CNTNAP5: variants seen among roughly 807,000 people sequenced by gnomAD.
CNTNAP5 encodes contactin-associated protein-like 5.
In CNTNAP5, 72 loss-of-function variants were observed where a neutral mutation model predicts 150.2. The observed-to-expected ratio is 0.48, with a 90% confidence interval of 0.40 to 0.58. CNTNAP5 has a LOEUF of 0.58. Among genes scored for constraint, CNTNAP5 ranks in the 20% least tolerant of loss-of-function variants. The pLI, the probability that CNTNAP5 is intolerant of heterozygous loss-of-function variation, is 0.00. For synonymous variants in CNTNAP5, 672 were observed against 619.8 expected (o/e 1.08, Z -1.25); for missense variants, 1,636 against 1,626.2 (o/e 1.01, Z -0.10).
intron 3 of CNTNAP5, among the ~76,000 whole-genome samples, chr2:124,408,298 G>C (rs995005889): frequency 8.5e-5 from 13 of 152,090 alleles, no homozygotes; most frequent in African/African-American, 3.1e-4. Context: ...GCCGCAGCGA[G>C]GCTGGGGGAG....
At position 124,850,179 on chromosome 2, in the gene CNTNAP5, G is replaced by A. The variant is rs529915004; in HGVS notation, c.3218-15127G>A. The stretch of plus-strand genomic sequence containing the variant: ...TATTTTAACGATATTGGTAATAACA[G>A]TAAAAATAGGTCACTAATTTTGTTT... On this transcript the variant is annotated intron_variant, in intron 19 of 23. Coordinates refer to ENST00000682447, the MANE Select transcript of CNTNAP5 (RefSeq NM_001367498.1). 5.9e-5 allele frequency among the ~76,000 whole-genome samples: 9 copies of A among 152,268 alleles called. No individual in the cohort carries two copies. The South Asian group carries it at 1.9e-3, about 32-fold the overall frequency.
chr2:124,306,390 G>T (rs917811700), intron 3 of CNTNAP5, among the ~76,000 whole-genome samples: 3 of 152,164 alleles, frequency 2.0e-5, no homozygotes, highest in African/African-American at 7.2e-5. Context: ...GTCCCAAACA[G>T]AAGAAAGCAG....
At chr2:124,196,220 C>G (rs1284879284) in intron 1 of CNTNAP5, among the ~76,000 whole-genome samples, 2 of 152,174 alleles carry the variant, frequency 1.3e-5, no homozygotes, top group East Asian at 3.9e-4. Flanking sequence ...AAGTCTGTCC[C>G]TAGGTGAGAA....
At chr2:124,535,286 G>C (rs1301316357) in intron 10 of CNTNAP5, among the ~76,000 whole-genome samples, 1 of 152,170 alleles carries the variant, frequency 6.6e-6, no homozygotes, top group Non-Finnish European at 1.5e-5. Context: ...GCAGGGTGCT[G>C]TTCCTGCGGT....
chr2:124,786,565 A>G (rs1681602396), intron 17 of CNTNAP5, among the ~76,000 whole-genome samples: 1 of 151,308 alleles, frequency 6.6e-6, no homozygotes. Context: ...AAGAAAGAAG[A>G]CAGAGAGAAA....
At chr2:124,844,735 T>G (rs1262381946) in intron 19 of CNTNAP5, among the ~76,000 whole-genome samples, 2 of 151,870 alleles carry the variant, frequency 1.3e-5, no homozygotes, top group East Asian at 1.9e-4. Context: ...TCCACCAATG[T>G]GAAATGGGTT....
chr2:124,133,176 T>C (rs1683896577), intron 1 of CNTNAP5, among the ~76,000 whole-genome samples: 2 of 152,166 alleles, frequency 1.3e-5, no homozygotes, highest in Admixed American at 1.3e-4. Flanking sequence ...TCAGAAAGAC[T>C]GACAATTCTA....
intron 21 of CNTNAP5, among the ~76,000 whole-genome samples, chr2:124,882,591 A>G (rs1677986385): frequency 6.6e-6 from 1 of 152,092 alleles, no homozygotes; most frequent in Non-Finnish European, 1.5e-5. Context: ...CACTCTGTCT[A>G]GCGTATGCAG....
chr2:124,751,457 A>T (rs1477405298), intron 14 of CNTNAP5, among the ~76,000 whole-genome samples: 1 of 152,224 alleles, frequency 6.6e-6, no homozygotes, highest in Non-Finnish European at 1.5e-5. Flanking sequence ...GTATTCACAC[A>T]TGACACCAGG....
intron 6 of CNTNAP5, among the ~76,000 whole-genome samples, chr2:124,464,462 C>T (rs1028712049): frequency 6.6e-6 from 1 of 152,060 alleles, no homozygotes; most frequent in South Asian, 2.1e-4. Flanking sequence ...ACAATTGCCT[C>T]GACTCATTAT....
chr2:124,085,724 T>A (rs1417658974), intron 1 of CNTNAP5, among the ~76,000 whole-genome samples: 1 of 152,248 alleles, frequency 6.6e-6, no homozygotes, highest in African/African-American at 2.4e-5. Flanking sequence ...CAGTTTGATG[T>A]ATTTTTTATT....
chr2:124,329,686 T>A (rs2104678663), intron 3 of CNTNAP5, among the ~76,000 whole-genome samples: 1 of 152,268 alleles, frequency 6.6e-6, no homozygotes, highest in East Asian at 1.9e-4. Context: ...TAAACCACTC[T>A]CCTATCTCCG....
intron 11 of CNTNAP5, among the ~76,000 whole-genome samples, chr2:124,577,181 G>A (rs1696303047): frequency 6.6e-6 from 1 of 152,094 alleles, no homozygotes; most frequent in Non-Finnish European, 1.5e-5. Context: ...TTTTTCCGCA[G>A]CACTATCATC....
At chr2:124,136,816 C>T (rs1392787491) in intron 1 of CNTNAP5, among the ~76,000 whole-genome samples, 1 of 152,186 alleles carries the variant, frequency 6.6e-6, no homozygotes, top group Non-Finnish European at 1.5e-5. Context: ...TAGACTGTCA[C>T]CTCCTCTTGG....
intron 3 of CNTNAP5, among the ~76,000 whole-genome samples, chr2:124,328,911 G>A (rs1689283492): frequency 6.6e-6 from 1 of 152,142 alleles, no homozygotes; most frequent in Admixed American, 6.6e-5. Context: ...AAGGAGAAAA[G>A]GCATCCATGC....
chr2:124,701,235 T>A (rs2105090047), intron 13 of CNTNAP5, among the ~76,000 whole-genome samples: 1 of 152,250 alleles, frequency 6.6e-6, no homozygotes, highest in Non-Finnish European at 1.5e-5. Context: ...ATATTTGAAT[T>A]ATTATTTTTT....
At chr2:124,888,081 T>A (rs2104745044) in intron 21 of CNTNAP5, among the ~76,000 whole-genome samples, 1 of 152,272 alleles carries the variant, frequency 6.6e-6, no homozygotes. Flanking sequence ...TTGAGTATAG[T>A]ATTCAACAGT....
At position 124,146,042 on chromosome 2, in the gene CNTNAP5, C is replaced by T. The variant is rs549864808; in HGVS notation, c.83-75663C>T. On this transcript the variant is annotated intron_variant, in intron 1 of 23. Transcript: ENST00000682447. ...TTTGTGAGCAATATTTTGTCTTATT[C>T]TCAGAAGAGCCCACTTAAAGCAGAT... 3.3e-5 allele frequency among the ~76,000 whole-genome samples: 5 copies of T among 152,068 alleles called. No individual in the cohort carries two copies. In the East Asian group the frequency reaches 9.7e-4, roughly 29 times the overall value.
At chr2:124,585,170 T>C (rs1366826290) in intron 11 of CNTNAP5, among the ~76,000 whole-genome samples, 1 of 152,176 alleles carries the variant, frequency 6.6e-6, no homozygotes, top group Non-Finnish European at 1.5e-5. Context: ...TACATGAAGC[T>C]GTACAGGGGC....
Sources: allele counts gnomAD v4.1 joint callset (sites outside exome capture counted in the v4.1 genomes callset), GRCh38; gene constraint gnomAD v4.1.1; transcripts MANE v1.5; gene names NCBI Gene and HGNC (gene_info 2026-07-23, HGNC 2026-07-21).